The following SGMS1 variants were observed in gnomAD, a reference collection of about 807,000 sequenced individuals.
SGMS1 encodes the protein sphingomyelin synthase 1, also known as phosphatidylcholine:ceramide cholinephosphotransferase 1.
SGMS1 carries 13 observed loss-of-function variants against 46.2 expected under a neutral mutation model. The observed-to-expected ratio is 0.28, with a 90% CI of 0.18 to 0.45. The LOEUF (loss-of-function observed/expected upper bound fraction) is 0.45, where lower values mean the gene tolerates loss of function less well. SGMS1 is among the 20% of genes least tolerant of loss of function. SGMS1 has a pLI of 1.00. For missense variants in SGMS1, 324 were observed against 519.9 expected, an observed-to-expected ratio of 0.62 and a Z score of 3.66; for synonymous variants, 203 against 187.8, an observed-to-expected ratio of 1.08 and a Z score of -0.66.
At chr10:50,407,126 G>T (rs1849026161) in intron 6 of SGMS1, among the ~76,000 whole-genome samples, 1 of 152,066 alleles carries the variant, frequency 6.6e-6, no homozygotes, top group Admixed American at 6.5e-5. Context: ...TCTGCAGTAG[G>T]CCCAGTGGCA....
At chr10:50,519,616 G>C (rs1012722862) in intron 3 of SGMS1, among the ~76,000 whole-genome samples, 7 of 152,194 alleles carry the variant, frequency 4.6e-5, no homozygotes, top group Admixed American at 3.9e-4. Context: ...CTTCTCCAGT[G>C]GGGGAGCTGG....
At chr10:50,456,429 CT>C (rs1207682110) in intron 5 of SGMS1, among the ~76,000 whole-genome samples, 1 of 152,164 alleles carries the variant, frequency 6.6e-6, no homozygotes, top group Non-Finnish European at 1.5e-5. Context: ...AGTGATTTAA[CT>C]TAATATAGTC....
chr10:50,583,860 T>C (rs1446448794), intron 2 of SGMS1, among the ~76,000 whole-genome samples: 1 of 152,228 alleles, frequency 6.6e-6, no homozygotes, highest in African/African-American at 2.4e-5. Flanking sequence ...TGAATTTTAA[T>C]TGGCTAGTCT....
intron 1 of SGMS1, among the ~76,000 whole-genome samples, chr10:50,615,698 T>TGCTGGGCCCTCAAGA (rs1588893746): frequency 6.6e-6 from 1 of 152,214 alleles, no homozygotes; most frequent in South Asian, 2.1e-4. Context: ...TGGGATTCAA[T>TGCTGGGCCCTCAAGA]GCTGGGCCCT....
chr10:50,547,032 C>T (rs1371198008), intron 2 of SGMS1, among the ~76,000 whole-genome samples: 1 of 152,040 alleles, frequency 6.6e-6, no homozygotes, highest in African/African-American at 2.4e-5. Context: ...AGAAATGAGC[C>T]TAACAGAGAC....
chr10:50,426,641 T>C (rs570110990), intron 6 of SGMS1, among the ~76,000 whole-genome samples: 1 of 151,986 alleles, frequency 6.6e-6, no homozygotes, highest in African/African-American at 2.4e-5. Flanking sequence ...CCTGTGCCTT[T>C]TGACATCAAA....
At chr10:50,514,615 C>T (rs1254067694) in intron 3 of SGMS1, among the ~76,000 whole-genome samples, 3 of 152,082 alleles carry the variant, frequency 2.0e-5, no homozygotes, top group East Asian at 3.9e-4. Flanking sequence ...TCTTTGGGGG[C>T]CATTAGACCA....
Position 50,305,973 on chromosome 10 carries a change from T to C in SGMS1, c.*1169A>G, listed in dbSNP as rs1447508598. 6.6e-6 allele frequency: 1 copy of C among 152,612 alleles called. No homozygotes were observed. Among genetic ancestry groups the C allele is most frequent in the Non-Finnish European group, 1.5e-5 (1 of 68,000 alleles). The allele number at this position is 152,612 out of a possible 1,614,324, so 9.5% of individuals were successfully genotyped here. A position where few individuals can be genotyped will look rare whatever the true frequency, so the allele number is the denominator to read the frequency against. On this transcript the variant is annotated 3_prime_UTR_variant, in exon 11 of 11. Transcript: ENST00000361781. ...ACATGCAGTTTCTGCACAAATATCT[T>C]TTAAAGAAATAGATCTCTTTTTTGT...
intron 2 of SGMS1, among the ~76,000 whole-genome samples, chr10:50,583,392 C>G (rs1294699523): frequency 6.6e-6 from 1 of 152,180 alleles, no homozygotes. Flanking sequence ...TGGAGGGAAC[C>G]ATTCCCAGCT....
chr10:50,400,263 C>T (rs1245476986), intron 6 of SGMS1, among the ~76,000 whole-genome samples: 1 of 151,534 alleles, frequency 6.6e-6, no homozygotes, highest in African/African-American at 2.4e-5. Context: ...TGCTGTGAGA[C>T]CTTGAATAAA....
chr10:50,497,538 A>C (rs747530049), intron 3 of SGMS1, among the ~76,000 whole-genome samples: 15 of 152,206 alleles, frequency 9.9e-5, no homozygotes, highest in African/African-American at 1.7e-4. Context: ...CACGCCTATA[A>C]TCCCAGCACT....
At chr10:50,607,220 C>T (rs1268191667) in intron 1 of SGMS1, among the ~76,000 whole-genome samples, 2 of 150,054 alleles carry the variant, frequency 1.3e-5, no homozygotes, top group African/African-American at 2.4e-5. Context: ...TGGGCTCAAA[C>T]GATCCACCCA....
At position 50,307,417 on chromosome 10, in the gene SGMS1, G is replaced by A; in HGVS notation, c.1063-96C>T. 9.8e-7 allele frequency: 1 copy of A among 1,015,274 alleles called. No homozygotes were observed. Among genetic ancestry groups the A allele is most frequent in the Non-Finnish European group, 1.4e-6 (1 of 691,972 alleles). 62.9% of individuals were successfully genotyped at this position (1,015,274 alleles called of 1,614,324 possible). A position where few individuals can be genotyped will look rare whatever the true frequency, so the allele number is the denominator to read the frequency against. On this transcript the variant is annotated intron_variant, in intron 10 of 10. Transcript: ENST00000361781. The surrounding 1 kb of genome is among the most constrained non-coding windows in gnomAD (Gnocchi z 4.2). ...AAAATTCCCAAAGGACTCCATACCT[G>A]CCCTGCGTGTCCACCCACATATCCC...
chr10:50,315,970 T>C (rs1847331020), intron 8 of SGMS1, among the ~76,000 whole-genome samples: 2 of 152,214 alleles, frequency 1.3e-5, no homozygotes, highest in African/African-American at 4.8e-5. Flanking sequence ...GGCTTTTGAA[T>C]GAGACACACT....
chr10:50,325,525 T>G (rs1285141167), intron 8 of SGMS1, among the ~76,000 whole-genome samples: 1 of 152,218 alleles, frequency 6.6e-6, no homozygotes, highest in Non-Finnish European at 1.5e-5. Context: ...CTGCTGCTAC[T>G]TCTGTGTTTA....
At chr10:50,319,670 G>C (rs1847408413) in intron 8 of SGMS1, among the ~76,000 whole-genome samples, 1 of 152,180 alleles carries the variant, frequency 6.6e-6, no homozygotes, top group African/African-American at 2.4e-5. Context: ...GTTGCCTTCT[G>C]TTTAAATCCA....
intron 6 of SGMS1, among the ~76,000 whole-genome samples, chr10:50,394,085 C>T (rs976594080): frequency 5.3e-5 from 8 of 152,154 alleles, no homozygotes; most frequent in Non-Finnish European, 8.8e-5. Context: ...TACTTAAATC[C>T]CATTCTGACA....
At chr10:50,463,723 A>G (rs963144021) in intron 4 of SGMS1, among the ~76,000 whole-genome samples, 2 of 152,200 alleles carry the variant, frequency 1.3e-5, no homozygotes, top group Admixed American at 1.3e-4. Flanking sequence ...ATATTTGCAG[A>G]CCCCTGTTCA....
At chr10:50,570,374 G>A (rs1358324356) in intron 2 of SGMS1, among the ~76,000 whole-genome samples, 1 of 152,170 alleles carries the variant, frequency 6.6e-6, no homozygotes, top group Non-Finnish European at 1.5e-5. Context: ...ATGATTCAGA[G>A]GAAATGGGCA....
Sources: allele counts gnomAD v4.1 joint callset (sites outside exome capture counted in the v4.1 genomes callset), GRCh38; gene constraint gnomAD v4.1.1; non-coding constraint Gnocchi (gnomAD v3.1); transcripts MANE v1.5; gene names NCBI Gene and HGNC (gene_info 2026-07-23, HGNC 2026-07-21).